AP2A1: variants seen among roughly 807,000 people sequenced by gnomAD.
AP2A1 encodes AP-2 complex subunit alpha-1.
A neutral mutation model predicts 107.3 loss-of-function variants in AP2A1; 21 were observed. That is an observed-to-expected ratio of 0.20 (90% CI 0.14 to 0.28). The LOEUF (loss-of-function observed/expected upper bound fraction) is 0.28, where lower values mean the gene tolerates loss of function less well. AP2A1 is among the 10% of genes least tolerant of loss of function. The probability of loss-of-function intolerance (pLI) is 1.00; values close to 1 mark genes in which losing one functional copy is unlikely to be tolerated. For synonymous variants in AP2A1, 602 were observed against 564.8 expected (o/e 1.07, Z -0.93); for missense variants, 873 against 1,307.7 (o/e 0.67, Z 5.13).
intron 3 of AP2A1, 42 bp downstream of exon 3, chr19:49,782,131 T>G (rs1441478183): frequency 4.0e-5 from 34 of 844,774 alleles, no homozygotes; most frequent in East Asian, 7.2e-5. Context: ...GACTCCTGGG[T>G]CTGCGGGGGA....
rs374734408 is a variant in AP2A1 at position 49,802,988 on chromosome 19, C to T, written c.2154C>T (p.Ala718=). Residue 718 remains alanine (A), a synonymous_variant, in exon 16 of 23, where the codon GCC becomes GCT. Transcript: ENST00000354293. ...ACATCGGCCCTCCCATTCCGGAAGC[C>T]GATGAGTTGCTGAATAAGTGAGTCC... is the stretch of plus-strand genomic sequence containing the variant. ...PEDIGPPIPE[A]DELLNKFVCK... 1.1e-5 allele frequency: 17 copies of T among 1,613,464 alleles called. No individual in the cohort carries two copies. The highest frequency in any genetic ancestry group is 2.7e-5 in the African/African-American group (2 of 74,918).
intron 4 of AP2A1, among the ~76,000 whole-genome samples, chr19:49,790,293 C>T (rs1021666557): frequency 2.6e-5 from 4 of 152,208 alleles, no homozygotes; most frequent in East Asian, 1.9e-4. Flanking sequence ...TCTGTTCCAT[C>T]CTCACATCAT....
At position 49,795,584 on chromosome 19, in the gene AP2A1, C is replaced by T. The variant is rs201770295; in HGVS notation, c.706-46C>T. On this transcript the variant is annotated intron_variant, in intron 6 of 22. Transcript: ENST00000354293. ...CACCCTGGCATGTGGACCCACGTGC[C>T]CCTCCCACCCCAGCCCCCAACTTAT... The T allele has an allele frequency of 1.7e-5, 11 of 659,246 alleles. 3 individuals are homozygous for T. Among genetic ancestry groups the T allele is most frequent in the Admixed American group, 2.3e-5 (1 of 43,786 alleles). 40.8% of individuals were successfully genotyped at this position (659,246 alleles called of 1,614,324 possible).
chr19:49,799,404 T>C lies in AP2A1; in HGVS notation c.1043T>C (p.Leu348Pro). The change falls in exon 9 of 23, where the codon CTG becomes CCG. Residue 348 changes from leucine (L) to proline (P), a missense_variant. Leu to Pro is a moderately conservative substitution (Grantham distance 98). Around this residue, in one of 4 missense-constraint regions of AP2A1, gnomAD observed 213 missense variants for 443.5 expected, o/e 0.48. Transcript: ENST00000354293. ...CACCGGGAGACCAACCTGCGCTACC[T>C]GGCCCTGGAGAGCATGTGCACGCTG... ...LQHRETNLRY[L>P]ALESMCTLAS... The C allele has an allele frequency of 2.5e-6, 4 of 1,612,504 alleles. No individual in the cohort carries two copies. The highest frequency in any genetic ancestry group is 3.4e-6 in the Non-Finnish European group (4 of 1,179,536).
chr19:49,779,487 CAAAAAAAAAA>C (rs370114853), intron 1 of AP2A1, among the ~76,000 whole-genome samples: 23 of 83,976 alleles, frequency 2.7e-4, no homozygotes, highest in Non-Finnish European at 3.7e-4. Context: ...GCCTGGGCTA[CAAAAAAAAAA>C]AAAAAAAAAA....
intron 4 of AP2A1, among the ~76,000 whole-genome samples, chr19:49,787,473 G>A (rs2123708234): frequency 6.7e-6 from 1 of 149,808 alleles, no homozygotes; most frequent in East Asian, 2.0e-4. Flanking sequence ...TCAGCCTCCT[G>A]AGTAGCTGGG....
chr19:49,781,302 G>A (rs773647189), intron 1 of AP2A1, among the ~76,000 whole-genome samples: 1 of 152,154 alleles, frequency 6.6e-6, no homozygotes, highest in Non-Finnish European at 1.5e-5. Context: ...CCTGGTGACT[G>A]GGTGGACAGT....
intron 12 of AP2A1, 59 bp from the exon 13 acceptor site, chr19:49,801,331 G>C (rs1460567388): frequency 2.6e-6 from 4 of 1,531,574 alleles, no homozygotes; most frequent in Non-Finnish European, 3.6e-6. Context: ...ACCTCTCGAG[G>C]GGGTTTCTGG....
chr19:49,783,108 GTTGTA>G (rs1221970425), intron 4 of AP2A1, among the ~76,000 whole-genome samples: 1 of 152,250 alleles, frequency 6.6e-6, no homozygotes, highest in Admixed American at 6.5e-5. Context: ...TGCTGGGGAT[GTTGTA>G]TTGTCCAGAG....
At position 49,805,671 on chromosome 19, in the gene AP2A1, G is replaced by T; in HGVS notation, c.2479G>T (p.Ala827Ser). Residue 827 changes from alanine (A) to serine (S), a missense_variant, in exon 20 of 23, where the codon GCC becomes TCC. Transcript: ENST00000354293. Reference sequence around the variant, plus strand: ...CTTTCACCTCATCAGGTACGGTGGCGCCCCCCAGGCCCTCACCCTGAAGCT... The same window carrying T: ...CTTTCACCTCATCAGGTACGGTGGCTCCCCCCAGGCCCTCACCCTGAAGCT... ...LLSVRFRYGGAPQALTLKLPV... is the reference protein window; with the variant it reads ...LLSVRFRYGGSPQALTLKLPV... 6 of 1,561,566 alleles carry T rather than the reference G, an allele frequency of 3.8e-6. No homozygotes were observed. Among genetic ancestry groups the T allele is most frequent in the Non-Finnish European group, 5.2e-6 (6 of 1,153,824 alleles).
At chr19:49,801,958 AC>A (rs1481343172) in intron 14 of AP2A1, 22 bp from the exon 15 acceptor site, 1 of 1,473,344 alleles carries the variant, frequency 6.8e-7, no homozygotes, top group East Asian at 2.4e-5. Flanking sequence ...GCCTGTCCTC[AC>A]CGTGACCTGC....
At chr19:49,802,450 T>G (rs1345941347) in intron 15 of AP2A1, 3 of 1,337,038 alleles carry the variant, frequency 2.2e-6, no homozygotes, top group South Asian at 1.2e-5. Context: ...TCTCTGTCTC[T>G]CTTCTGCCCT....
intron 4 of AP2A1, 134 bp from the exon 5 acceptor site, chr19:49,791,801 C>T: frequency 5.0e-6 from 6 of 1,197,548 alleles, no homozygotes; most frequent in Non-Finnish European, 6.9e-6. Flanking sequence ...CAGACTGGAT[C>T]CTGCGGCCGC....
chr19:49,793,378 C>A (rs1193564761), intron 6 of AP2A1, among the ~76,000 whole-genome samples: 2 of 152,158 alleles, frequency 1.3e-5, no homozygotes, highest in African/African-American at 4.8e-5. Flanking sequence ...CAGGGCCTCG[C>A]GGGCCGAGCA....
chr19:49,767,297 C>A, intron 1 of AP2A1, 97 bp downstream of exon 1: 1 of 1,461,994 alleles, frequency 6.8e-7, no homozygotes, highest in Non-Finnish European at 9.4e-7. Flanking sequence ...GGATCAAAAG[C>A]CTCTGCGGCC....
chr19:49,772,656 C>T (rs1387224872), intron 1 of AP2A1, among the ~76,000 whole-genome samples: 1 of 151,732 alleles, frequency 6.6e-6, no homozygotes, highest in Non-Finnish European at 1.5e-5. Flanking sequence ...CCAACACGCC[C>T]GGCTAATTTT....
chr19:49,768,612 G>A (rs1414020532), intron 1 of AP2A1, among the ~76,000 whole-genome samples: 1 of 152,090 alleles, frequency 6.6e-6, no homozygotes, highest in Non-Finnish European at 1.5e-5. Context: ...GGAAGGATCT[G>A]GCATGTAATA....
In AP2A1 at chr19:49,798,842, G is replaced by T; in HGVS notation, c.855G>T (p.Glu285Asp). Residue 285 changes from glutamate (E) to aspartate (D), a missense_variant, in exon 8 of 23, where the codon GAG (glutamate) becomes GAT (aspartate). Transcript: ENST00000354293. The part of the protein sequence containing the change: ...AVKGRLVECL[E>D]TVLNKAQEPP... ...AGGGGCGGCTGGTGGAATGTCTGGA[G>T]ACTGTGCTCAACAAGGCCCAGGAGC... 1 of 1,603,508 alleles carries T rather than the reference G, an allele frequency of 6.2e-7. No homozygotes were observed. The highest frequency in any genetic ancestry group is 8.5e-7 in the Non-Finnish European group (1 of 1,175,248).
intron 18 of AP2A1, chr19:49,804,151 G>A (rs11879637): frequency 0.41 from 62,799 of 151,826 alleles, 13,180 homozygotes; most frequent in Middle Eastern, 0.49. Flanking sequence ...CAGGAGAATC[G>A]CTTGAGCCTG....
Sources: allele counts gnomAD v4.1 joint callset (sites outside exome capture counted in the v4.1 genomes callset), GRCh38; gene constraint gnomAD v4.1.1; regional missense constraint gnomAD v4.1.1; transcripts MANE v1.5; gene names NCBI Gene and HGNC (gene_info 2026-07-23, HGNC 2026-07-21).